MCTP1: variants seen among roughly 807,000 people sequenced by gnomAD.
MCTP1 encodes the protein multiple C2 and transmembrane domain-containing protein 1.
Under a neutral mutation model 120.6 loss-of-function variants are expected in MCTP1, and 69 were observed. The ratio of observed to expected loss-of-function variants is 0.57; its 90% confidence interval spans 0.47 to 0.70. The LOEUF is 0.70. Among genes scored for constraint, MCTP1 ranks in the 30% least tolerant of loss-of-function variants. MCTP1 has a pLI of 0.00. For synonymous variants in MCTP1, 529 were observed against 493.1 expected (o/e 1.07, Z -0.96); for missense variants, 1,203 against 1,248.8 (o/e 0.96, Z 0.55).
intron 19 of MCTP1, among the ~76,000 whole-genome samples, chr5:94,749,342 A>G (rs1249996058): frequency 1.3e-5 from 2 of 152,172 alleles, no homozygotes; most frequent in Admixed American, 1.3e-4. Context: ...CTACTTTTGA[A>G]GAATGAAAGA....
chr5:95,078,474 A>G (rs1754162337), intron 1 of MCTP1, among the ~76,000 whole-genome samples: 1 of 152,188 alleles, frequency 6.6e-6, no homozygotes, highest in African/African-American at 2.4e-5. Context: ...CTCATTCCAG[A>G]CATATTTTGC....
intron 2 of MCTP1, among the ~76,000 whole-genome samples, chr5:94,954,186 A>ATATATATG (rs1554151362): frequency 7.9e-6 from 1 of 126,948 alleles, no homozygotes; most frequent in Admixed American, 8.1e-5. Context: ...ATATATGCAT[A>ATATATATG]TATATATATA....
At chr5:94,780,520 C>T (rs1410794045) in intron 18 of MCTP1, among the ~76,000 whole-genome samples, 2 of 152,084 alleles carry the variant, frequency 1.3e-5, no homozygotes, top group Non-Finnish European at 2.9e-5. Context: ...TAATGTCATG[C>T]TTTAAATCTT....
At chr5:94,842,382 T>C (rs1329988347) in intron 17 of MCTP1, among the ~76,000 whole-genome samples, 1 of 152,196 alleles carries the variant, frequency 6.6e-6, no homozygotes, top group Non-Finnish European at 1.5e-5. Context: ...ATTGTGACTA[T>C]GAAAAAGGGC....
At chr5:94,852,859 C>T (rs764349500) in intron 17 of MCTP1, among the ~76,000 whole-genome samples, 6 of 151,908 alleles carry the variant, frequency 3.9e-5, no homozygotes, top group Non-Finnish European at 7.4e-5. Context: ...TTATTGGTAA[C>T]ATACTTTCAG....
intron 1 of MCTP1, among the ~76,000 whole-genome samples, chr5:95,192,141 TAAA>T (rs574787380): frequency 4.2e-4 from 63 of 149,702 alleles, no homozygotes; most frequent in African/African-American, 1.5e-3. Context: ...TCCCAAGGGA[TAAA>T]AAAAAGTTTT....
At chr5:94,828,375 T>G (rs748499413) in intron 17 of MCTP1, among the ~76,000 whole-genome samples, 15 of 152,196 alleles carry the variant, frequency 9.9e-5, no homozygotes, top group Non-Finnish European at 1.9e-4. Context: ...CTCTCCTGTA[T>G]GAGGCGTCTG....
At chr5:95,233,568 A>G (rs956448093) in intron 1 of MCTP1, among the ~76,000 whole-genome samples, 5 of 152,174 alleles carry the variant, frequency 3.3e-5, no homozygotes, top group Non-Finnish European at 7.4e-5. Context: ...TGACCTCGTG[A>G]TCCGCCCGCC....
intron 1 of MCTP1, among the ~76,000 whole-genome samples, chr5:95,114,159 C>G (rs1757651472): frequency 6.6e-6 from 1 of 152,142 alleles, no homozygotes; most frequent in Non-Finnish European, 1.5e-5. Context: ...CACCATGGGC[C>G]TTGAGTAAGA....
chr5:94,923,731 C>A (rs1407908188), intron 7 of MCTP1, among the ~76,000 whole-genome samples: 1 of 152,076 alleles, frequency 6.6e-6, no homozygotes, highest in Non-Finnish European at 1.5e-5. Flanking sequence ...AACTTGGTTT[C>A]ATAAAATGAC....
chr5:95,150,981 T>C (rs6861710), intron 1 of MCTP1, among the ~76,000 whole-genome samples: 2,458 of 152,054 alleles, frequency 0.016, 61 homozygotes, highest in African/African-American at 0.056. Flanking sequence ...ATTATCATTA[T>C]TATTTGAGAC....
At chr5:94,797,699 T>G (rs1335791628) in intron 18 of MCTP1, among the ~76,000 whole-genome samples, 1 of 152,174 alleles carries the variant, frequency 6.6e-6, no homozygotes, top group Non-Finnish European at 1.5e-5. Flanking sequence ...TGAACATGTC[T>G]AATTTCCAAA....
intron 2 of MCTP1, among the ~76,000 whole-genome samples, chr5:94,975,464 C>T (rs1424472300): frequency 6.6e-6 from 1 of 151,846 alleles, no homozygotes; most frequent in Non-Finnish European, 1.5e-5. Context: ...GTCTACAAGC[C>T]AGGAGGCAGG....
At chr5:95,071,294 G>A (rs1285089489) in intron 1 of MCTP1, among the ~76,000 whole-genome samples, 1 of 152,146 alleles carries the variant, frequency 6.6e-6, no homozygotes, top group Non-Finnish European at 1.5e-5. Flanking sequence ...TCACTGATTA[G>A]GAGACAGGCT....
At chr5:95,098,055 T>G (rs1268524733) in intron 1 of MCTP1, among the ~76,000 whole-genome samples, 3 of 152,222 alleles carry the variant, frequency 2.0e-5, no homozygotes, top group Admixed American at 6.5e-5. Context: ...TTTCTGATCT[T>G]TCAACGTGTT....
intron 1 of MCTP1, among the ~76,000 whole-genome samples, chr5:95,126,001 T>C (rs1027507859): frequency 1.3e-5 from 2 of 152,262 alleles, no homozygotes; most frequent in African/African-American, 4.8e-5. Context: ...AAACTTTCTT[T>C]CGTGCCTCTT....
At chr5:95,203,457 G>A (rs924899532) in intron 1 of MCTP1, among the ~76,000 whole-genome samples, 1 of 152,154 alleles carries the variant, frequency 6.6e-6, no homozygotes, top group Non-Finnish European at 1.5e-5. Flanking sequence ...TGGGCAAAGG[G>A]AAGCTGACAT....
intron 1 of MCTP1, among the ~76,000 whole-genome samples, chr5:95,022,321 A>G (rs1838352174): frequency 6.6e-6 from 1 of 152,164 alleles, no homozygotes; most frequent in Non-Finnish European, 1.5e-5. Flanking sequence ...TTTTTCCTTA[A>G]CAGAATAGAA....
At chr5:95,051,486 GCTGGC>G (rs1414537685) in intron 1 of MCTP1, among the ~76,000 whole-genome samples, 2 of 152,144 alleles carry the variant, frequency 1.3e-5, no homozygotes, top group Non-Finnish European at 2.9e-5. Context: ...GGAACACTCT[GCTGGC>G]ATTCCTTCAA....
Sources: gnomAD v4.1 joint callset for allele counts (sites outside exome capture counted in the v4.1 genomes callset) on GRCh38, gnomAD v4.1.1 for gene constraint, MANE v1.5 for transcripts, NCBI Gene and HGNC (gene_info 2026-07-23, HGNC 2026-07-21) for gene names.